The following VMP1 variants were observed in gnomAD, a reference collection of about 807,000 sequenced individuals.
VMP1 encodes ectopic P-granules autophagy protein 3 homolog.
In VMP1, 11 loss-of-function variants were observed where a neutral mutation model predicts 56.0. The observed-to-expected ratio is 0.20, with a 90% CI of 0.12 to 0.32. The LOEUF is 0.32. Among genes scored for constraint, VMP1 ranks in the 10% least tolerant of loss-of-function variants. VMP1 has a pLI of 1.00. For synonymous variants in VMP1, 149 were observed against 165.0 expected, an observed-to-expected ratio of 0.90 and a Z score of 0.74; for missense variants, 296 against 490.3, an observed-to-expected ratio of 0.60 and a Z score of 3.74.
chr17:59,748,211 A>AC (rs1568071104), intron 5 of VMP1, among the ~76,000 whole-genome samples: 1 of 149,636 alleles, frequency 6.7e-6, no homozygotes, highest in Non-Finnish European at 1.5e-5. Context: ...AAAAAAAAAA[A>AC]AAAAAACCTT....
chr17:59,766,777 AT>A (rs994887101), intron 6 of VMP1, among the ~76,000 whole-genome samples: 14 of 146,262 alleles, frequency 9.6e-5, no homozygotes, highest in South Asian at 2.2e-4. Context: ...GTGTGCCTAA[AT>A]TTTTTTTTTT....
intron 4 of VMP1, among the ~76,000 whole-genome samples, chr17:59,737,788 A>G (rs2035071023): frequency 6.6e-6 from 1 of 151,638 alleles, no homozygotes; most frequent in African/African-American, 2.4e-5. Flanking sequence ...TTTTTTTTTA[A>G]AGACAGAGTC....
intron 5 of VMP1, among the ~76,000 whole-genome samples, chr17:59,754,508 C>G (rs1220178704): frequency 6.6e-6 from 1 of 152,102 alleles, no homozygotes; most frequent in East Asian, 1.9e-4. Flanking sequence ...CAGCTTCTTC[C>G]CTATCAATTC....
At position 59,725,017 on chromosome 17, in the gene VMP1, T is replaced by C. The variant is rs1424690444; in HGVS notation, c.-26-6404T>C. Among the ~76,000 whole-genome samples, 7 of 142,734 alleles carry C rather than the reference T, an allele frequency of 4.9e-5. No individual in the cohort carries two copies. The East Asian group carries it at 1.5e-3, about 31-fold the overall frequency. 93.6% of individuals were successfully genotyped at this position (142,734 alleles called of 152,430 possible). A position where few individuals can be genotyped will look rare whatever the true frequency, so the allele number is the denominator to read the frequency against. On this transcript the variant is annotated intron_variant, in intron 1 of 11. Coordinates refer to ENST00000262291, the MANE Select transcript of VMP1 (RefSeq NM_030938.5). ...AAAAAAACAACAAAAATTAGCCAGG[T>C]GTGGTAGTGGGTGCCTGTAGTCCCA...
At chr17:59,749,786 A>G (rs949635807) in intron 5 of VMP1, among the ~76,000 whole-genome samples, 3 of 152,164 alleles carry the variant, frequency 2.0e-5, no homozygotes, top group Non-Finnish European at 4.4e-5. Context: ...CTGCGATTAC[A>G]GGCATGAGCT....
chr17:59,787,479 G>A (rs76973026), intron 7 of VMP1, among the ~76,000 whole-genome samples: 1 of 152,014 alleles, frequency 6.6e-6, no homozygotes, highest in East Asian at 1.9e-4. Flanking sequence ...TTTTACATGC[G>A]CATTTCTGTA....
At chr17:59,747,807 A>C (rs933104410) in intron 5 of VMP1, among the ~76,000 whole-genome samples, 6 of 151,856 alleles carry the variant, frequency 4.0e-5, no homozygotes, top group Admixed American at 6.6e-5. Context: ...AGGTAGGAAG[A>C]CTACTTGAGC....
At chr17:59,770,993 T>G (rs1190789262) in intron 6 of VMP1, among the ~76,000 whole-genome samples, 1 of 152,066 alleles carries the variant, frequency 6.6e-6, no homozygotes, top group East Asian at 1.9e-4. Flanking sequence ...AAATTGTGTT[T>G]TTTTTTTTTG....
chr17:59,791,116 C>CA (rs1459442957), intron 7 of VMP1, among the ~76,000 whole-genome samples: 1 of 151,708 alleles, frequency 6.6e-6, no homozygotes, highest in Non-Finnish European at 1.5e-5. Flanking sequence ...TTTCTAAAAT[C>CA]ATGGGCCTGT....
intron 1 of VMP1, among the ~76,000 whole-genome samples, chr17:59,722,396 T>C (rs539116435): frequency 4.6e-5 from 7 of 152,360 alleles, no homozygotes; most frequent in African/African-American, 1.7e-4. Flanking sequence ...TTTTGTTTTG[T>C]TGAACTTCTC....
chr17:59,789,835 CTTT>C (rs754631557), intron 7 of VMP1, among the ~76,000 whole-genome samples: 9,614 of 85,318 alleles, frequency 0.11, 207 homozygotes, highest in African/African-American at 0.18. Context: ...CTTTCTTTCC[CTTT>C]TTTTTTTTTT....
chr17:59,780,734 C>G (rs1343642470), intron 7 of VMP1, among the ~76,000 whole-genome samples: 1 of 152,018 alleles, frequency 6.6e-6, no homozygotes, highest in Non-Finnish European at 1.5e-5. Flanking sequence ...TTATAGGCGT[C>G]CACCACCACG....
At chr17:59,710,899 G>A (rs762841320) in intron 1 of VMP1, among the ~76,000 whole-genome samples, 2 of 151,992 alleles carry the variant, frequency 1.3e-5, no homozygotes, top group Non-Finnish European at 2.9e-5. Flanking sequence ...GGTGAAACCC[G>A]GTGTCTACAA....
chr17:59,815,705 A>G (rs2038203060), intron 9 of VMP1, among the ~76,000 whole-genome samples: 1 of 151,958 alleles, frequency 6.6e-6, no homozygotes, highest in Non-Finnish European at 1.5e-5. Flanking sequence ...AAATACAAAA[A>G]AATTAGCTGG....
intron 10 of VMP1, among the ~76,000 whole-genome samples, chr17:59,825,718 G>A (rs2038626433): frequency 6.6e-6 from 1 of 152,150 alleles, no homozygotes; most frequent in African/African-American, 2.4e-5. Flanking sequence ...CTGGAACAGG[G>A]ACTTTTTACC....
At chr17:59,791,571 A>G (rs994657876) in intron 7 of VMP1, among the ~76,000 whole-genome samples, 1 of 147,534 alleles carries the variant, frequency 6.8e-6, no homozygotes, top group East Asian at 2.0e-4. Context: ...CCCTGGTTCA[A>G]GTGATTCTCC....
At chr17:59,785,591 G>T (rs1481567735) in intron 7 of VMP1, among the ~76,000 whole-genome samples, 2 of 151,058 alleles carry the variant, frequency 1.3e-5, no homozygotes, top group Non-Finnish European at 2.9e-5. Context: ...TTGGGAGGCT[G>T]AGGAACGAGA....
intron 2 of VMP1, among the ~76,000 whole-genome samples, chr17:59,733,446 C>A (rs1380676203): frequency 6.6e-6 from 1 of 151,878 alleles, no homozygotes; most frequent in Non-Finnish European, 1.5e-5. Flanking sequence ...ATCTGTAATC[C>A]CAGCACTTTG....
intron 1 of VMP1, among the ~76,000 whole-genome samples, chr17:59,730,635 A>G (rs1424826635): frequency 6.6e-6 from 1 of 152,222 alleles, no homozygotes; most frequent in African/African-American, 2.4e-5. Context: ...TATTGTATTA[A>G]GGACTCAGCA....
Sources: allele counts gnomAD v4.1 joint callset (sites outside exome capture counted in the v4.1 genomes callset), GRCh38; gene constraint gnomAD v4.1.1; transcripts MANE v1.5; gene names NCBI Gene and HGNC (gene_info 2026-07-23, HGNC 2026-07-21).